ROR1: variants seen among roughly 807,000 people sequenced by gnomAD.
ROR1 encodes the protein inactive tyrosine-protein kinase transmembrane receptor ROR1.
In ROR1, 19 loss-of-function variants were observed where a neutral mutation model predicts 78.8. The ratio of observed to expected loss-of-function variants is 0.24; its 90% CI spans 0.17 to 0.35. The LOEUF (loss-of-function observed/expected upper bound fraction) is 0.35, where lower values mean the gene tolerates loss of function less well. Ranked by LOEUF, ROR1 falls within the 10% of genes least tolerant of loss-of-function variation. The pLI, the probability that ROR1 is intolerant of heterozygous loss-of-function variation, is 1.00. For synonymous variants in ROR1, 386 were observed against 433.6 expected, an observed-to-expected ratio of 0.89 and a Z score of 1.36; for missense variants, 917 against 1,177.8, an observed-to-expected ratio of 0.78 and a Z score of 3.24.
intron 2 of ROR1, among the ~76,000 whole-genome samples, chr1:64,035,863 A>G (rs1198608934): frequency 6.6e-6 from 1 of 152,128 alleles, no homozygotes; most frequent in Admixed American, 6.6e-5. Context: ...AAACCCTTGC[A>G]TCCTGTGTTA....
intron 8 of ROR1, among the ~76,000 whole-genome samples, chr1:64,161,374 G>A (rs1365906617): frequency 1.3e-5 from 2 of 152,166 alleles, no homozygotes; most frequent in African/African-American, 4.8e-5. Flanking sequence ...GATCAAGTTG[G>A]GAAGGAGGAG....
At chr1:64,077,130 T>C (rs1031974188) in intron 4 of ROR1, among the ~76,000 whole-genome samples, 5 of 152,190 alleles carry the variant, frequency 3.3e-5, no homozygotes, top group Non-Finnish European at 7.4e-5. Flanking sequence ...ATAGTATGGT[T>C]CAATAGATAA....
chr1:63,826,309 A>G (rs1425514840), intron 1 of ROR1, among the ~76,000 whole-genome samples: 2 of 151,966 alleles, frequency 1.3e-5, no homozygotes, highest in Non-Finnish European at 2.9e-5. Context: ...TGTTCACATC[A>G]TTTAGCTCCC....
At chr1:64,028,950 A>G (rs1457955845) in intron 2 of ROR1, 1 of 152,130 alleles carries the variant, frequency 6.6e-6, no homozygotes, top group African/African-American at 2.4e-5. Context: ...GGCCATGCTA[A>G]TCTTCTCTTT....
chr1:64,155,334 C>T (rs1649741044), intron 7 of ROR1, among the ~76,000 whole-genome samples: 1 of 152,198 alleles, frequency 6.6e-6, no homozygotes, highest in African/African-American at 2.4e-5. Context: ...GACTGAATCC[C>T]CTTCTGGCCA....
chr1:64,023,044 G>T (rs1646578118), intron 2 of ROR1, among the ~76,000 whole-genome samples: 1 of 152,278 alleles, frequency 6.6e-6, no homozygotes, highest in South Asian at 2.1e-4. Context: ...CGAGCTCAGG[G>T]AAAGCCTTTC....
At chr1:63,927,500 G>T (rs1158831396) in intron 1 of ROR1, among the ~76,000 whole-genome samples, 2 of 149,884 alleles carry the variant, frequency 1.3e-5, no homozygotes, top group East Asian at 2.0e-4. Flanking sequence ...GCCTGGCTTT[G>T]GTATCAGAAT....
intron 1 of ROR1, among the ~76,000 whole-genome samples, chr1:63,817,593 G>A (rs1184591664): frequency 6.6e-6 from 1 of 152,222 alleles, no homozygotes; most frequent in East Asian, 1.9e-4. Flanking sequence ...ATAGATTAAA[G>A]CACGATTGTC....
intron 4 of ROR1, among the ~76,000 whole-genome samples, chr1:64,131,654 A>T (rs960785350): frequency 3.3e-5 from 5 of 152,116 alleles, no homozygotes; most frequent in Admixed American, 2.0e-4. Context: ...TTGCTCTGTC[A>T]CCCAGGCTGG....
intron 2 of ROR1, among the ~76,000 whole-genome samples, chr1:64,018,745 A>G (rs564609491): frequency 4.7e-4 from 71 of 152,302 alleles, no homozygotes; most frequent in African/African-American, 1.6e-3. Flanking sequence ...ATGCATCCTT[A>G]TCTCTCCAAC....
intron 2 of ROR1, among the ~76,000 whole-genome samples, chr1:64,016,526 T>C (rs959483886): frequency 2.6e-5 from 4 of 152,076 alleles, no homozygotes; most frequent in Non-Finnish European, 4.4e-5. Context: ...TTATTTCTAT[T>C]AGATAATGCT....
In ROR1 at chr1:64,160,606, T is replaced by C. The variant is rs535010063; in HGVS notation, c.1386+1414T>C. On this transcript the variant is annotated intron_variant, in intron 8 of 8. Transcript: ENST00000371079. ...AGCTGATTTACATATATTATAGCAT[T>C]TTATATAATATCACATTTAATCCTT... Among the ~76,000 whole-genome samples, 4 of 152,290 alleles carry C rather than the reference T, an allele frequency of 2.6e-5. No homozygotes were observed. The East Asian group carries it at 7.7e-4, about 29-fold the overall frequency.
In ROR1 at chr1:64,026,137, A is replaced by G. The variant is rs567572996; in HGVS notation, c.163+16761A>G. Among the ~76,000 whole-genome samples the G allele has an allele frequency of 4.1e-4, 62 of 151,964 alleles. No homozygotes were observed. The South Asian group carries it at 7.2e-3, about 18-fold the overall frequency. ...GGTAGGCCTTTCTTATGTTGAGCCAACTTGTCTTCATTCTCACTCTTCTGT... is the reference window on the plus strand; with the variant it reads ...GGTAGGCCTTTCTTATGTTGAGCCAGCTTGTCTTCATTCTCACTCTTCTGT... On this transcript the variant is annotated intron_variant, in intron 2 of 8. Transcript: ENST00000371079.
chr1:63,816,188 C>T (rs1354233657), intron 1 of ROR1, among the ~76,000 whole-genome samples: 1 of 152,164 alleles, frequency 6.6e-6, no homozygotes, highest in Admixed American at 6.5e-5. Flanking sequence ...TTACTAGCCC[C>T]TTGAAGGAGA....
chr1:64,115,391 TTTTATTTATTTA>T (rs1447175178), intron 4 of ROR1, among the ~76,000 whole-genome samples: 1 of 151,920 alleles, frequency 6.6e-6, no homozygotes, highest in African/African-American at 2.4e-5. Context: ...AATTTTTAAT[TTTTATTTATTTA>T]TTTATTTATT....
chr1:64,086,587 G>A (rs1254898282), intron 4 of ROR1, among the ~76,000 whole-genome samples: 1 of 152,188 alleles, frequency 6.6e-6, no homozygotes, highest in Non-Finnish European at 1.5e-5. Context: ...TTATTTTGCT[G>A]TTGAGTATTG....
chr1:64,051,469 AAAT>A (rs1569632908), intron 4 of ROR1, among the ~76,000 whole-genome samples: 28 of 141,090 alleles, frequency 2.0e-4, no homozygotes, highest in Non-Finnish European at 3.2e-4. Context: ...AAATAAAATA[AAAT>A]AAAATAAAAT....
chr1:63,954,885 T>C (rs1569968468), intron 1 of ROR1, among the ~76,000 whole-genome samples: 1 of 152,108 alleles, frequency 6.6e-6, no homozygotes, highest in East Asian at 1.9e-4. Context: ...GGGACGACTG[T>C]AATTAGTTGG....
intron 1 of ROR1, chr1:63,843,692 C>T (rs2100319047): frequency 1.9e-6 from 1 of 526,158 alleles, no homozygotes; most frequent in South Asian, 1.7e-5. Flanking sequence ...GCCATGTTTC[C>T]AGAAGTGAAA....
Sources: allele counts gnomAD v4.1 joint callset (sites outside exome capture counted in the v4.1 genomes callset), GRCh38; gene constraint gnomAD v4.1.1; transcripts MANE v1.5; gene names NCBI Gene and HGNC (gene_info 2026-07-23, HGNC 2026-07-21).